TENM2: variants seen among roughly 807,000 people sequenced by gnomAD.
TENM2 encodes teneurin-2.
TENM2 carries 52 observed loss-of-function variants against 245.2 expected under a neutral mutation model. That is an observed-to-expected ratio of 0.21 (90% CI 0.17 to 0.27). The LOEUF is 0.27. Among genes scored for constraint, TENM2 ranks in the 10% least tolerant of loss-of-function variants. TENM2 has a pLI of 1.00. For synonymous variants in TENM2, 1,363 were observed against 1,438.9 expected (o/e 0.95, Z 1.19); for missense variants, 3,046 against 3,666.8 (o/e 0.83, Z 4.37).
chr5:167,819,758 G>C (rs895022529), intron 2 of TENM2, among the ~76,000 whole-genome samples: 3 of 152,166 alleles, frequency 2.0e-5, no homozygotes, highest in Non-Finnish European at 4.4e-5. Flanking sequence ...TTGGAGAACT[G>C]TTCATTTTGC....
At chr5:168,256,731 C>T (rs1767705834) in intron 27 of TENM2, among the ~76,000 whole-genome samples, 2 of 152,156 alleles carry the variant, frequency 1.3e-5, no homozygotes, top group South Asian at 2.1e-4. Context: ...GGCCTCAAAC[C>T]TGTTTCTTAA....
intron 2 of TENM2, among the ~76,000 whole-genome samples, chr5:167,782,924 G>C (rs954926959): frequency 6.6e-6 from 1 of 152,180 alleles, no homozygotes; most frequent in African/African-American, 2.4e-5. Context: ...CCAGGTTATT[G>C]CTGGACAACA....
chr5:167,486,502 G>T (rs1768086147), intron 2 of TENM2, among the ~76,000 whole-genome samples: 2 of 151,732 alleles, frequency 1.3e-5, no homozygotes, highest in African/African-American at 4.8e-5. Context: ...CTAATTTTTT[G>T]TGTTTTTAGT....
chr5:167,090,627 T>A, the TENM2 span, among the ~76,000 whole-genome samples: 1 of 152,228 alleles, frequency 6.6e-6, no homozygotes, highest in South Asian at 2.1e-4. Context: ...GCTGTGATTT[T>A]TTTTGATTGC....
At chr5:167,926,725 C>T (rs1023121440) in intron 3 of TENM2, among the ~76,000 whole-genome samples, 3 of 126,236 alleles carry the variant, frequency 2.4e-5, no homozygotes, top group Non-Finnish European at 4.9e-5. Context: ...CCACCACACA[C>T]ACACACACAC....
chr5:167,955,425 C>A (rs1780473231), intron 4 of TENM2, among the ~76,000 whole-genome samples: 1 of 152,072 alleles, frequency 6.6e-6, no homozygotes. Context: ...ATTGCCTGTT[C>A]TCTCTGATTA....
chr5:167,794,084 A>C (rs1236571925), intron 2 of TENM2, among the ~76,000 whole-genome samples: 4 of 151,974 alleles, frequency 2.6e-5, no homozygotes, highest in African/African-American at 2.4e-5. Context: ...ATTATTCCTG[A>C]ATATTTAAAT....
At chr5:167,340,068 T>C (rs966690125) in intron 1 of TENM2, among the ~76,000 whole-genome samples, 1 of 152,206 alleles carries the variant, frequency 6.6e-6, no homozygotes, top group African/African-American at 2.4e-5. Flanking sequence ...AAATACTCAA[T>C]TGCATCACTT....
chr5:167,250,673 C>A, the TENM2 span, among the ~76,000 whole-genome samples: 1 of 152,130 alleles, frequency 6.6e-6, no homozygotes, highest in Non-Finnish European at 1.5e-5. Flanking sequence ...CCATTTGTTT[C>A]TGCAATGTGG....
chr5:167,621,580 T>C (rs1402888049), intron 2 of TENM2, among the ~76,000 whole-genome samples: 1 of 152,144 alleles, frequency 6.6e-6, no homozygotes, highest in Non-Finnish European at 1.5e-5. Flanking sequence ...AACTTCCCCC[T>C]GATTGGGTGT....
At chr5:167,991,668 C>T (rs1360181471) in intron 4 of TENM2, among the ~76,000 whole-genome samples, 1 of 152,210 alleles carries the variant, frequency 6.6e-6, no homozygotes, top group Non-Finnish European at 1.5e-5. Flanking sequence ...TGTCACACCA[C>T]AGCTCTGGCT....
intron 12 of TENM2, among the ~76,000 whole-genome samples, chr5:168,158,825 G>GTATATATATATA (rs1373189808): frequency 4.8e-5 from 4 of 84,008 alleles, no homozygotes; most frequent in Admixed American, 1.5e-4. Flanking sequence ...GTGTGTGTGT[G>GTATATATATATA]TGTGTATATA....
rs147048326 is a variant in TENM2, at chr5:167,819,611, T to C, written c.503-56375T>C. Among the ~76,000 whole-genome samples the C allele has an allele frequency of 1.6e-3, 240 of 152,300 alleles. 2 individuals carry two copies. Among genetic ancestry groups the C allele is most frequent in the African/African-American group, 5.5e-3 (228 of 41,558 alleles). On this transcript the variant is annotated intron_variant, in intron 2 of 28. Coordinates refer to ENST00000518659, the Ensembl canonical transcript of TENM2. ...TGGGGGAATTTCATAGCCTTCTGAT[T>C]ACTCCTCCAAAAGAGGAAGTTCCTG... is the stretch of plus-strand genomic sequence containing the variant.
intron 27 of TENM2, among the ~76,000 whole-genome samples, chr5:168,259,652 C>G (rs6888941): frequency 0.44 from 67,652 of 152,060 alleles, 17,099 homozygotes; most frequent in South Asian, 0.6. Flanking sequence ...TGCTTTCCAT[C>G]TGTGTCCAGC....
At chr5:167,173,003 AC>A in the TENM2 span, among the ~76,000 whole-genome samples, 1 of 152,206 alleles carries the variant, frequency 6.6e-6, no homozygotes, top group South Asian at 2.1e-4. Context: ...CCTCCTTACC[AC>A]ATCCGTTACC....
the TENM2 span, among the ~76,000 whole-genome samples, chr5:167,245,863 A>C: frequency 2.6e-5 from 4 of 152,180 alleles, no homozygotes; most frequent in Non-Finnish European, 5.9e-5. Context: ...AGACAGAGCC[A>C]GATACTGGAG....
chr5:167,721,868 C>A (rs2150521014), intron 2 of TENM2, among the ~76,000 whole-genome samples: 1 of 152,260 alleles, frequency 6.6e-6, no homozygotes, highest in South Asian at 2.1e-4. Context: ...ACAGAAATTC[C>A]AAATGATTCC....
At chr5:167,256,472 G>A in the TENM2 span, among the ~76,000 whole-genome samples, 3 of 152,106 alleles carry the variant, frequency 2.0e-5, no homozygotes, top group South Asian at 6.2e-4. Flanking sequence ...ATTTCTGCTA[G>A]GATTCATCTT....
intron 12 of TENM2, among the ~76,000 whole-genome samples, chr5:168,128,107 T>C (rs1398081786): frequency 6.6e-6 from 1 of 152,224 alleles, no homozygotes; most frequent in African/African-American, 2.4e-5. Context: ...TCCGGTTCCA[T>C]CTGATTGGGC....
Sources: allele counts gnomAD v4.1 joint callset (sites outside exome capture counted in the v4.1 genomes callset), GRCh38; gene constraint gnomAD v4.1.1; transcripts MANE v1.5; gene names NCBI Gene and HGNC (gene_info 2026-07-23, HGNC 2026-07-21).